Variants in DLG1 observed in about 807,000 individuals in gnomAD.
DLG1 encodes disks large homolog 1.
DLG1 carries 42 observed loss-of-function variants against 123.4 expected under a neutral mutation model. That is an observed-to-expected ratio of 0.34 (90% CI 0.27 to 0.44). The LOEUF is 0.44. Among genes scored for constraint, DLG1 ranks in the 20% least tolerant of loss-of-function variants. The pLI, the probability that DLG1 is intolerant of heterozygous loss-of-function variation, is 1.00. For missense variants in DLG1, 942 were observed against 1,082.6 expected (o/e 0.87, Z 1.82); for synonymous variants, 317 against 356.2 (o/e 0.89, Z 1.24).
intron 4 of DLG1, among the ~76,000 whole-genome samples, chr3:197,206,487 A>G (rs1402439184): frequency 6.6e-6 from 1 of 152,078 alleles, no homozygotes; most frequent in Non-Finnish European, 1.5e-5. Context: ...TTTTGTGGAG[A>G]CAGGGTTTCA....
intron 4 of DLG1, among the ~76,000 whole-genome samples, chr3:197,256,039 T>C (rs1050961028): frequency 3.3e-5 from 5 of 152,210 alleles, no homozygotes; most frequent in African/African-American, 9.6e-5. Context: ...GATGTTAAGA[T>C]ACTACTGAAC....
chr3:197,222,294 CT>C (rs1158401694), intron 4 of DLG1, among the ~76,000 whole-genome samples: 1 of 152,134 alleles, frequency 6.6e-6, no homozygotes, highest in Non-Finnish European at 1.5e-5. Context: ...CTTTCCCCGT[CT>C]TTATGACTAG....
intron 4 of DLG1, among the ~76,000 whole-genome samples, chr3:197,273,186 A>ATGTGTGTG (rs1365600529): frequency 1.4e-4 from 16 of 117,286 alleles, no homozygotes; most frequent in Non-Finnish European, 2.0e-4. Flanking sequence ...TACACTGAAT[A>ATGTGTGTG]TATGTGTGTG....
chr3:197,183,874 A>G, intron 5 of DLG1: 1 of 1,506,282 alleles, frequency 6.6e-7, no homozygotes, highest in Non-Finnish European at 8.9e-7. Context: ...GTGGTGAATG[A>G]TCGGTAAAAA....
Position 197,119,539 on chromosome 3 carries a change from TAAAC to T in DLG1, c.1166-13_1166-10del, listed in dbSNP as rs1177182868. The T allele has an allele frequency of 4.4e-6, 7 of 1,597,596 alleles. No individual in the cohort carries two copies. The highest frequency in any genetic ancestry group is 2.2e-5 in the South Asian group (2 of 89,114). ...AACAGGCTGAGAAGAAGCTTCAAAATAAACAAAGTGAAAAATACTTCAAACACGA... is the reference window on the plus strand; with the variant it reads ...AACAGGCTGAGAAGAAGCTTCAAAATAAAGTGAAAAATACTTCAAACACGA... On this transcript the variant is annotated splice_polypyrimidine_tract_variant and intron_variant, in intron 11 of 24. Transcript: ENST00000667157.
intron 3 of DLG1, among the ~76,000 whole-genome samples, chr3:197,286,965 T>C (rs1005157198): frequency 2.0e-5 from 3 of 151,854 alleles, no homozygotes; most frequent in African/African-American, 7.3e-5. Flanking sequence ...CTTCACCTCC[T>C]GGGCTCAACA....
chr3:197,075,346 T>C (rs1338166539), intron 18 of DLG1, among the ~76,000 whole-genome samples: 1 of 132,078 alleles, frequency 7.6e-6, no homozygotes, highest in Non-Finnish European at 1.6e-5. Context: ...AAAAAAGAGA[T>C]ACACAACCTA....
intron 4 of DLG1, among the ~76,000 whole-genome samples, chr3:197,223,765 T>C (rs899692208): frequency 6.6e-6 from 1 of 152,250 alleles, no homozygotes; most frequent in Non-Finnish European, 1.5e-5. Context: ...AGTTGTGGGA[T>C]AATTCTGGTA....
intron 23 of DLG1, among the ~76,000 whole-genome samples, chr3:197,059,651 G>A (rs1043593316): frequency 5.4e-5 from 1 of 18,636 alleles, no homozygotes; most frequent in East Asian, 2.5e-3. Context: ...CACACGTGGG[G>A]CTATTTAAAG....
At chr3:197,261,749 ATGT>A (rs1414468355) in intron 4 of DLG1, among the ~76,000 whole-genome samples, 1 of 152,152 alleles carries the variant, frequency 6.6e-6, no homozygotes, top group Non-Finnish European at 1.5e-5. Context: ...AGCATTATCA[ATGT>A]TGTTATTACT....
intron 5 of DLG1, among the ~76,000 whole-genome samples, chr3:197,178,251 T>C (rs1022480256): frequency 2.0e-5 from 3 of 152,204 alleles, no homozygotes; most frequent in Non-Finnish European, 4.4e-5. Context: ...GAATCAGTAG[T>C]TGCAGAAGTG....
rs568111594 is a variant in DLG1, at chr3:197,059,026, C to G, written c.2483+863G>C. Among the ~76,000 whole-genome samples the G allele has an allele frequency of 6.6e-5, 10 of 152,268 alleles. No homozygotes were observed. In the South Asian group the frequency reaches 8.3e-4, roughly 13 times the overall value. ...CTGCAAGCTCCGCCTCCTGGGTTCA[C>G]GCCATTCTCCTGCCTCAGCATCCCG... On this transcript the variant is annotated intron_variant, in intron 23 of 24. Coordinates refer to ENST00000667157, the MANE Select transcript of DLG1 (RefSeq NM_001366207.1).
rs1721659869 is a variant in DLG1, at chr3:197,044,606, C to G, written c.*17G>C. 1 of 1,552,638 alleles carries G rather than the reference C, an allele frequency of 6.4e-7. No individual in the cohort carries two copies. The stretch of plus-strand genomic sequence containing the variant: ...AAAATGGAATTGTGGAAAAGAGAAA[C>G]AGAGAAACATGAGTTTTCATAGCTT... On this transcript the variant is annotated 3_prime_UTR_variant, in exon 25 of 25. Coordinates refer to ENST00000667157, the MANE Select transcript of DLG1 (RefSeq NM_001366207.1).
rs928604208 is a variant in DLG1 at position 197,297,389 on chromosome 3, C to G, written c.-31-154G>C. 3.5e-6 allele frequency: 5 copies of G among 1,439,964 alleles called. No individual in the cohort carries two copies. In the East Asian group the frequency reaches 7.6e-5, roughly 22 times the overall value. 89.2% of individuals were successfully genotyped at this position (1,439,964 alleles called of 1,614,324 possible). ...AAGAGTCTCAAAACGCAGCAGTTGT[C>G]TGTCAACGTGGAAAGCTTTTCCTTG... On this transcript the variant is annotated intron_variant, in intron 1 of 24. Transcript: ENST00000667157.
chr3:197,298,392 G>C (rs1778539359), intron 1 of DLG1, 144 bp downstream of exon 1: 2 of 398,246 alleles, frequency 5.0e-6, no homozygotes, highest in Non-Finnish European at 8.8e-6. Flanking sequence ...GTGGCCCGGG[G>C]TGGCCCTGGA....
chr3:197,158,262 G>T (rs146258504), intron 5 of DLG1, among the ~76,000 whole-genome samples: 128 of 152,146 alleles, frequency 8.4e-4, no homozygotes, highest in Non-Finnish European at 1.7e-3. Flanking sequence ...GAAGAAAACA[G>T]AAAATAAAAA....
At chr3:197,162,093 TCTCA>T (rs910288878) in intron 5 of DLG1, among the ~76,000 whole-genome samples, 2 of 152,166 alleles carry the variant, frequency 1.3e-5, no homozygotes, top group African/African-American at 4.8e-5. Context: ...TCAGAATACA[TCTCA>T]CTACTTTCCT....
At chr3:197,214,433 C>T (rs948063067) in intron 4 of DLG1, among the ~76,000 whole-genome samples, 3 of 151,828 alleles carry the variant, frequency 2.0e-5, no homozygotes, top group Admixed American at 2.0e-4. Flanking sequence ...AGTAGCCGGG[C>T]GTGGTGGTGG....
chr3:197,212,450 A>G (rs1335977335), intron 4 of DLG1, among the ~76,000 whole-genome samples: 1 of 152,210 alleles, frequency 6.6e-6, no homozygotes, highest in African/African-American at 2.4e-5. Context: ...AACCCTAAGG[A>G]ATTTACAAGA....
Sources: allele counts gnomAD v4.1 joint callset (sites outside exome capture counted in the v4.1 genomes callset), GRCh38; gene constraint gnomAD v4.1.1; transcripts MANE v1.5; gene names NCBI Gene and HGNC (gene_info 2026-07-23, HGNC 2026-07-21).